The following MARCHF1 variants were observed in gnomAD, a reference collection of about 807,000 sequenced individuals.
MARCHF1 encodes E3 ubiquitin-protein ligase MARCHF1.
MARCHF1 carries 40 observed loss-of-function variants against 54.2 expected under a neutral mutation model. The ratio of observed to expected loss-of-function variants is 0.74; its 90% CI spans 0.57 to 0.96. The LOEUF (loss-of-function observed/expected upper bound fraction) is 0.96. Among genes scored for constraint, MARCHF1 ranks in the 40% least tolerant of loss-of-function variants. The pLI, the probability that MARCHF1 is intolerant of heterozygous loss-of-function variation, is 0.00. For synonymous variants in MARCHF1, 236 were observed against 236.3 expected (o/e 1.00, Z 0.01); for missense variants, 586 against 656.5 (o/e 0.89, Z 1.17).
At chr4:164,233,771 G>A (rs187287849) in intron 1 of MARCHF1, among the ~76,000 whole-genome samples, 4 of 152,214 alleles carry the variant, frequency 2.6e-5, no homozygotes, top group Admixed American at 2.6e-4. Context: ...GTTAAAAAAT[G>A]AAGGTCTCTC....
At chr4:164,373,903 A>G (rs1731110762) in intron 1 of MARCHF1, among the ~76,000 whole-genome samples, 1 of 152,188 alleles carries the variant, frequency 6.6e-6, no homozygotes, top group Non-Finnish European at 1.5e-5. Flanking sequence ...AAAAATGTAG[A>G]TTACTCATTT....
chr4:163,892,355 C>G (rs1489871995), intron 3 of MARCHF1, among the ~76,000 whole-genome samples: 1 of 151,924 alleles, frequency 6.6e-6, no homozygotes, highest in Non-Finnish European at 1.5e-5. Context: ...AAGAGTGGAG[C>G]TGCTCTGTTT....
chr4:163,670,859 A>T (rs889030710), intron 5 of MARCHF1, among the ~76,000 whole-genome samples: 9 of 152,288 alleles, frequency 5.9e-5, no homozygotes, highest in African/African-American at 1.7e-4. Context: ...TTTTTTTCTG[A>T]ATCTTCAAGT....
chr4:163,832,458 C>CA (rs1191736676), intron 4 of MARCHF1, among the ~76,000 whole-genome samples: 1 of 152,028 alleles, frequency 6.6e-6, no homozygotes, highest in Non-Finnish European at 1.5e-5. Flanking sequence ...AGTGACATGA[C>CA]AAATTAAGTT....
intron 4 of MARCHF1, among the ~76,000 whole-genome samples, chr4:163,823,147 C>T (rs1215041151): frequency 6.6e-6 from 1 of 151,866 alleles, no homozygotes; most frequent in East Asian, 1.9e-4. Flanking sequence ...TATATTTCCA[C>T]ATTAGCTTAG....
chr4:164,079,850 A>T (rs1048325155), intron 2 of MARCHF1, among the ~76,000 whole-genome samples: 8 of 152,164 alleles, frequency 5.3e-5, no homozygotes, highest in Non-Finnish European at 1.0e-4. Flanking sequence ...TGTAATATTA[A>T]TATTACTAAT....
rs1197934984 is a variant in MARCHF1 at position 163,612,934 on chromosome 4, T to C, written c.347A>G (p.Gln116Arg). 2.0e-6 allele frequency: 3 copies of C among 1,535,198 alleles called. No individual in the cohort carries two copies. The highest frequency in any genetic ancestry group is 1.2e-5 in the South Asian group (1 of 84,040). The part of the protein sequence containing the change: ...RKESGKKSVI[Q>R]RPRRRRKASE... ...GGCTTTTCTCCTCCTCCTAGGTCTT[T>C]GTATTACTGATTTCTTACCAGACTC... is the stretch of plus-strand genomic sequence containing the variant. Residue 116 changes from glutamine to arginine, a missense_variant, in exon 7 of 10, where the codon CAA (glutamine) becomes CGA (arginine). Around this residue, in one of 3 missense-constraint regions of MARCHF1, gnomAD observed 387 missense variants for 394.6 expected, o/e 0.98. Transcript: ENST00000514618.
intron 4 of MARCHF1, among the ~76,000 whole-genome samples, chr4:163,783,948 C>T (rs1286125066): frequency 6.6e-6 from 1 of 152,118 alleles, no homozygotes; most frequent in African/African-American, 2.4e-5. Context: ...AAATATTTTA[C>T]CCTGGAAAAA....
At chr4:164,178,462 G>T (rs1284081180) in intron 1 of MARCHF1, among the ~76,000 whole-genome samples, 3 of 152,152 alleles carry the variant, frequency 2.0e-5, no homozygotes, top group African/African-American at 4.8e-5. Flanking sequence ...AAGTCAGGCT[G>T]GTTGCAGGAA....
At chr4:164,220,648 CAT>C (rs955166782) in intron 1 of MARCHF1, among the ~76,000 whole-genome samples, 2 of 130,450 alleles carry the variant, frequency 1.5e-5, no homozygotes, top group African/African-American at 5.7e-5. Context: ...GCTATATATG[CAT>C]ATATGTAATA....
chr4:164,177,952 T>C (rs116036588), intron 1 of MARCHF1, among the ~76,000 whole-genome samples: 1,605 of 152,214 alleles, frequency 0.011, 24 homozygotes, highest in African/African-American at 0.036. Flanking sequence ...AATTCCACCA[T>C]CATGAACCTG....
chr4:164,355,814 C>T (rs1730509151), intron 1 of MARCHF1, among the ~76,000 whole-genome samples: 1 of 107,048 alleles, frequency 9.3e-6, no homozygotes, highest in Admixed American at 9.9e-5. Flanking sequence ...AAACTACCAT[C>T]AGAGTGAACA....
At chr4:163,783,284 T>C (rs1424652893) in intron 4 of MARCHF1, among the ~76,000 whole-genome samples, 2 of 152,196 alleles carry the variant, frequency 1.3e-5, no homozygotes, top group African/African-American at 4.8e-5. Context: ...AGGCAATATT[T>C]CTGACTATCA....
chr4:163,756,295 G>A (rs1303451775), intron 4 of MARCHF1, among the ~76,000 whole-genome samples: 4 of 152,048 alleles, frequency 2.6e-5, no homozygotes, highest in African/African-American at 9.7e-5. Flanking sequence ...TACTACACCA[G>A]TATAGAGAGA....
At chr4:164,006,845 A>G (rs1213036787) in intron 2 of MARCHF1, among the ~76,000 whole-genome samples, 1 of 151,944 alleles carries the variant, frequency 6.6e-6, no homozygotes. Flanking sequence ...AAAAAGAAGC[A>G]CCATCCAAGA....
intron 4 of MARCHF1, among the ~76,000 whole-genome samples, chr4:163,836,927 C>A (rs553445679): frequency 2.0e-5 from 3 of 151,790 alleles, no homozygotes; most frequent in Non-Finnish European, 4.4e-5. Flanking sequence ...GAAGCAGAAG[C>A]CATTCTAATG....
At chr4:164,255,826 C>G (rs1733264866) in intron 1 of MARCHF1, among the ~76,000 whole-genome samples, 1 of 152,036 alleles carries the variant, frequency 6.6e-6, no homozygotes, top group African/African-American at 2.4e-5. Context: ...TTTGATATAA[C>G]TCTAAGAAAT....
At chr4:164,375,113 T>C (rs1367378702) in intron 1 of MARCHF1, among the ~76,000 whole-genome samples, 1 of 152,190 alleles carries the variant, frequency 6.6e-6, no homozygotes, top group Non-Finnish European at 1.5e-5. Context: ...CATGTGAGTA[T>C]AGAGGCAATT....
chr4:163,687,024 A>C (rs1300301469), intron 5 of MARCHF1, among the ~76,000 whole-genome samples: 1 of 152,184 alleles, frequency 6.6e-6, no homozygotes, highest in Non-Finnish European at 1.5e-5. Flanking sequence ...GGCTTGGCAA[A>C]TGTGTTTTAT....
Sources: allele counts gnomAD v4.1 joint callset (sites outside exome capture counted in the v4.1 genomes callset), GRCh38; gene constraint gnomAD v4.1.1; regional missense constraint gnomAD v4.1.1; transcripts MANE v1.5; gene names NCBI Gene and HGNC (gene_info 2026-07-23, HGNC 2026-07-21).